Variants in BTBD16 observed in about 807,000 individuals in gnomAD.
The protein encoded by BTBD16 is BTB domain containing 16, also known as BTB/POZ domain-containing protein 16.
In BTBD16, 66 loss-of-function variants were observed where a neutral mutation model predicts 67.4. The observed-to-expected ratio is 0.98, with a 90% CI of 0.80 to 1.20. The LOEUF (loss-of-function observed/expected upper bound fraction) is 1.20, where lower values mean the gene tolerates loss of function less well. BTBD16 is among the 50% of genes most tolerant of loss of function. The pLI is 0.00. For synonymous variants in BTBD16, 242 were observed against 236.4 expected (o/e 1.02, Z -0.22); for missense variants, 634 against 616.0 (o/e 1.03, Z -0.31).
intron 10 of BTBD16, among the ~76,000 whole-genome samples, chr10:122,313,018 A>G (rs1366557392): frequency 1.3e-5 from 2 of 152,038 alleles, no homozygotes; most frequent in Admixed American, 6.5e-5. Flanking sequence ...CTGGGATTAC[A>G]GGCATGTGCT....
At chr10:122,307,918 C>T (rs1033461313) in intron 10 of BTBD16, among the ~76,000 whole-genome samples, 5 of 152,194 alleles carry the variant, frequency 3.3e-5, no homozygotes, top group Admixed American at 6.5e-5. Context: ...AACATCTGTG[C>T]GCTGCGTTAA....
intron 5 of BTBD16, among the ~76,000 whole-genome samples, chr10:122,289,568 A>G (rs1339449507): frequency 6.6e-6 from 1 of 152,080 alleles, no homozygotes; most frequent in Non-Finnish European, 1.5e-5. Flanking sequence ...GTGAAACTCC[A>G]TTTCTACTAA....
chr10:122,327,799 G>GAGA (rs1405587397), intron 10 of BTBD16, among the ~76,000 whole-genome samples: 28 of 152,310 alleles, frequency 1.8e-4, no homozygotes, highest in African/African-American at 6.0e-4. Flanking sequence ...TCAGGGTCTC[G>GAGA]GTTCCTCTTG....
chr10:122,305,032 G>T (rs1409411796), intron 9 of BTBD16, among the ~76,000 whole-genome samples: 1 of 152,184 alleles, frequency 6.6e-6, no homozygotes, highest in Non-Finnish European at 1.5e-5. Context: ...GCAGTCAGTA[G>T]AATGATGGCC....
intron 10 of BTBD16, among the ~76,000 whole-genome samples, chr10:122,312,614 A>T (rs527746659): frequency 5.3e-5 from 8 of 152,010 alleles, no homozygotes; most frequent in African/African-American, 1.9e-4. Context: ...GCTTCTGGCC[A>T]GTCTTTCACT....
chr10:122,297,452 A>C (rs535791055), intron 7 of BTBD16, among the ~76,000 whole-genome samples: 1 of 152,226 alleles, frequency 6.6e-6, no homozygotes, highest in Non-Finnish European at 1.5e-5. Flanking sequence ...CCAGATGGCT[A>C]TGTTGGCTAA....
chr10:122,307,833 G>A (rs901809052), intron 10 of BTBD16, among the ~76,000 whole-genome samples: 2 of 152,180 alleles, frequency 1.3e-5, no homozygotes. Context: ...AGATAAACAC[G>A]TCTTCACGTA....
chr10:122,337,499 C>CT (rs200566099), intron 15 of BTBD16, among the ~76,000 whole-genome samples: 2,845 of 152,268 alleles, frequency 0.019, 93 homozygotes, highest in African/African-American at 0.065. Flanking sequence ...GAGTCTCGCT[C>CT]TATCGCCCAG....
At chr10:122,332,587 C>A in intron 13 of BTBD16, 74 bp downstream of exon 13, 4 of 1,468,034 alleles carry the variant, frequency 2.7e-6, no homozygotes, top group Non-Finnish European at 3.8e-6. Flanking sequence ...TGGAGGGCAG[C>A]CATGATCACT....
chr10:122,328,831 C>A (rs1447091645), intron 10 of BTBD16: 1 of 985,278 alleles, frequency 1.0e-6, no homozygotes, highest in Non-Finnish European at 1.2e-6. Context: ...TCTTCTCAAC[C>A]CAGCGCTGAA....
chr10:122,308,130 G>A (rs1293409733), intron 10 of BTBD16, among the ~76,000 whole-genome samples: 3 of 152,174 alleles, frequency 2.0e-5, no homozygotes, highest in African/African-American at 7.2e-5. Context: ...TTTGGCTCCA[G>A]GTCAGCTCTC....
intron 11 of BTBD16, among the ~76,000 whole-genome samples, 156 bp downstream of exon 11, chr10:122,329,727 T>C (rs986283140): frequency 1.3e-5 from 2 of 152,220 alleles, no homozygotes; most frequent in Non-Finnish European, 2.9e-5. Flanking sequence ...GGGAAAGTCA[T>C]GTAGCCTCTT....
In BTBD16 at chr10:122,332,464, T is replaced by C; in HGVS notation, c.1115T>C (p.Leu372Pro). ...ALENGGDMVH[L>P]KDLNTQAVRF... ...GAGAATGGGGGCGACATGGTCCACC[T>C]GAAAGATCTTAACACCCAGGCTGTG... Residue 372 changes from leucine (L) to proline (P), a missense_variant, in exon 13 of 16, where the codon CTG becomes CCG. Coordinates refer to ENST00000260723, the MANE Select transcript of BTBD16 (RefSeq NM_144587.5). 1.2e-6 allele frequency: 2 copies of C among 1,614,100 alleles called. No homozygotes were observed. Among genetic ancestry groups the C allele is most frequent in the South Asian group, 1.1e-5 (1 of 91,070 alleles).
At chr10:122,285,027 C>T (rs1434395189) in intron 4 of BTBD16, among the ~76,000 whole-genome samples, 2 of 152,168 alleles carry the variant, frequency 1.3e-5, no homozygotes, top group South Asian at 2.1e-4. Flanking sequence ...GCAAACCCCC[C>T]GGAACCCCAG....
chr10:122,324,012 GA>G (rs2096439934), intron 10 of BTBD16, among the ~76,000 whole-genome samples: 1 of 152,212 alleles, frequency 6.6e-6, no homozygotes, highest in Non-Finnish European at 1.5e-5. Context: ...CACCTCACCA[GA>G]GGGAAGTAAT....
chr10:122,317,132 A>G (rs1427227499), intron 10 of BTBD16, among the ~76,000 whole-genome samples: 1 of 152,146 alleles, frequency 6.6e-6, no homozygotes, highest in Non-Finnish European at 1.5e-5. Flanking sequence ...CTACACTCAA[A>G]TGTTCTTTCT....
chr10:122,298,352 G>A (rs1043930575), intron 8 of BTBD16, among the ~76,000 whole-genome samples: 1 of 152,154 alleles, frequency 6.6e-6, no homozygotes, highest in Non-Finnish European at 1.5e-5. Context: ...GCATGCCACA[G>A]TTCTCCCATC....
At chr10:122,294,655 G>C (rs774513954) in intron 7 of BTBD16, among the ~76,000 whole-genome samples, 1 of 152,240 alleles carries the variant, frequency 6.6e-6, no homozygotes, top group African/African-American at 2.4e-5. Context: ...CCTCCATGCA[G>C]GGCTGAACTT....
chr10:122,329,396 T>A, intron 10 of BTBD16, 84 bp from the exon 11 acceptor site: 1 of 1,373,376 alleles, frequency 7.3e-7, no homozygotes, highest in Non-Finnish European at 1.0e-6. Flanking sequence ...CACTAGTCTC[T>A]ACAACATGGC....
Sources: allele counts gnomAD v4.1 joint callset (sites outside exome capture counted in the v4.1 genomes callset), GRCh38; gene constraint gnomAD v4.1.1; transcripts MANE v1.5; gene names NCBI Gene and HGNC (gene_info 2026-07-23, HGNC 2026-07-21).